TBL1XR1: variants seen among roughly 807,000 people sequenced by gnomAD.
TBL1XR1 encodes the protein F-box-like/WD repeat-containing protein TBL1XR1.
A neutral mutation model predicts 66.9 loss-of-function variants in TBL1XR1; 5 were observed. That is an observed-to-expected ratio of 0.07 (90% CI 0.04 to 0.16). TBL1XR1 has a LOEUF of 0.16. Ranked by LOEUF, TBL1XR1 falls within the 10% of genes least tolerant of loss-of-function variation. The pLI, the probability that TBL1XR1 is intolerant of heterozygous loss-of-function variation, is 1.00. For synonymous variants in TBL1XR1, 210 were observed against 206.0 expected, an observed-to-expected ratio of 1.02 and a Z score of -0.17; for missense variants, 238 against 623.2, an observed-to-expected ratio of 0.38 and a Z score of 6.58.
intron 1 of TBL1XR1, among the ~76,000 whole-genome samples, chr3:177,110,483 C>T (rs1458517928): frequency 1.3e-5 from 2 of 152,176 alleles, no homozygotes; most frequent in East Asian, 3.9e-4. Flanking sequence ...TTAAGAACAC[C>T]TGGTCTTGGT....
chr3:177,037,974 G>C (rs1001065881), intron 12 of TBL1XR1, 124 bp downstream of exon 12: 1 of 710,772 alleles, frequency 1.4e-6, no homozygotes, highest in Non-Finnish European at 2.3e-6. Context: ...CATTTAAAAT[G>C]TTGGAGTTTT....
At chr3:177,064,386 T>C (rs1314475889) in intron 3 of TBL1XR1, among the ~76,000 whole-genome samples, 1 of 152,206 alleles carries the variant, frequency 6.6e-6, no homozygotes, top group African/African-American at 2.4e-5. Flanking sequence ...TCAATAAAAC[T>C]TGGAAGATCA....
intron 2 of TBL1XR1, among the ~76,000 whole-genome samples, chr3:177,081,440 G>A (rs1370464141): frequency 1.3e-5 from 2 of 151,912 alleles, no homozygotes; most frequent in African/African-American, 2.4e-5. Context: ...TTTTTTCAGA[G>A]ACTTAAACAT....
In TBL1XR1 at chr3:177,098,540, T is replaced by C. The variant is rs770851844; in HGVS notation, c.-120A>G. The C allele has an allele frequency of 1.8e-5, 18 of 985,724 alleles. No individual in the cohort carries two copies. The highest frequency in any genetic ancestry group is 1.9e-5 in the Non-Finnish European group (16 of 829,932). 61.1% of individuals were successfully genotyped at this position (985,724 alleles called of 1,614,324 possible). A position where few individuals can be genotyped will look rare whatever the true frequency, so the allele number is the denominator to read the frequency against. On this transcript the variant is annotated splice_region_variant and 5_prime_UTR_variant, in exon 2 of 16. Transcript: ENST00000457928. The stretch of plus-strand genomic sequence containing the variant: ...GCCAATCACAAGTTGCTGTTGTTGA[T>C]GCTGAGGAAAAGGAAAGTAAAGTAT...
intron 1 of TBL1XR1, among the ~76,000 whole-genome samples, chr3:177,137,832 A>G (rs1303884362): frequency 6.6e-6 from 1 of 151,944 alleles, no homozygotes; most frequent in Non-Finnish European, 1.5e-5. Context: ...TTAGCCATGA[A>G]TGGTGGTGGT....
intron 2 of TBL1XR1, among the ~76,000 whole-genome samples, chr3:177,071,173 G>A (rs2108565952): frequency 6.6e-6 from 1 of 151,854 alleles, no homozygotes; most frequent in Admixed American, 6.6e-5. Context: ...TGGGACTATA[G>A]GCACCCGCCA....
At chr3:177,117,772 ATGCCAC>A (rs1342920885) in intron 1 of TBL1XR1, among the ~76,000 whole-genome samples, 2 of 152,290 alleles carry the variant, frequency 1.3e-5, no homozygotes, top group East Asian at 3.9e-4. Context: ...CTCTACTTCT[ATGCCAC>A]TGATTGGGAG....
chr3:177,024,245 A>G lies in TBL1XR1; in HGVS notation c.*1253T>C, dbSNP rs1368228385. ...AAAAAATTCTGAATCACTGCTATTTAAAAACACCTTGAAGCAAGTCTTTTG... is the reference window on the plus strand; with the variant it reads ...AAAAAATTCTGAATCACTGCTATTTGAAAACACCTTGAAGCAAGTCTTTTG... On this transcript the variant is annotated 3_prime_UTR_variant, in exon 16 of 16. Coordinates refer to ENST00000457928, the MANE Select transcript of TBL1XR1 (RefSeq NM_024665.7). 2 of 152,578 alleles carry G rather than the reference A, an allele frequency of 1.3e-5. No individual in the cohort carries two copies. The highest frequency in any genetic ancestry group is 4.8e-5 in the African/African-American group (2 of 41,462). The allele number at this position is 152,578 out of a possible 1,614,324, so 9.5% of individuals were successfully genotyped here.
intron 1 of TBL1XR1, among the ~76,000 whole-genome samples, chr3:177,159,434 G>T (rs2108882780): frequency 6.6e-6 from 1 of 152,070 alleles, no homozygotes; most frequent in South Asian, 2.1e-4. Flanking sequence ...TTATTTAAAA[G>T]AAATACTATA....
intron 2 of TBL1XR1, among the ~76,000 whole-genome samples, chr3:177,074,294 C>T (rs1421453908): frequency 1.4e-4 from 21 of 152,230 alleles, no homozygotes; most frequent in Admixed American, 1.4e-3. Flanking sequence ...TACACTCACA[C>T]TGCTATTCCT....
intron 1 of TBL1XR1, among the ~76,000 whole-genome samples, chr3:177,144,249 A>C (rs1426172248): frequency 1.3e-5 from 2 of 152,134 alleles, no homozygotes; most frequent in Non-Finnish European, 2.9e-5. Flanking sequence ...TCCGTCTCAA[A>C]AAAAAACACA....
chr3:177,189,664 A>AAAAAAAAAAAAAAAAAAAAATTTC (rs57549428), intron 1 of TBL1XR1, among the ~76,000 whole-genome samples: 11 of 141,926 alleles, frequency 7.8e-5, no homozygotes, highest in African/African-American at 2.7e-4. Flanking sequence ...AAAAAAAAAA[A>AAAAAAAAAAAAAAAAAAAAATTTC]AGAAGGATGT....
chr3:177,069,429 A>T (rs1186905577), intron 2 of TBL1XR1, among the ~76,000 whole-genome samples: 1 of 152,090 alleles, frequency 6.6e-6, no homozygotes, highest in East Asian at 1.9e-4. Flanking sequence ...CAACATATAA[A>T]GACATAAAAA....
intron 1 of TBL1XR1, among the ~76,000 whole-genome samples, chr3:177,177,412 T>G (rs988607908): frequency 6.6e-6 from 1 of 152,132 alleles, no homozygotes; most frequent in Non-Finnish European, 1.5e-5. Context: ...ATTGCGCCAC[T>G]GCACTCCAGC....
chr3:177,047,663 T>C, intron 7 of TBL1XR1, 114 bp from the exon 8 acceptor site: 1 of 1,243,210 alleles, frequency 8.0e-7, no homozygotes, highest in East Asian at 2.5e-5. Context: ...CATTCTCTGC[T>C]TCAAAACTTG....
At chr3:177,103,510 T>G (rs1464092260) in intron 1 of TBL1XR1, among the ~76,000 whole-genome samples, 1 of 152,206 alleles carries the variant, frequency 6.6e-6, no homozygotes, top group Admixed American at 6.5e-5. Context: ...TTCTAAGATC[T>G]GCCACCTACA....
At chr3:177,083,088 AT>A (rs562375402) in intron 2 of TBL1XR1, among the ~76,000 whole-genome samples, 58 of 151,028 alleles carry the variant, frequency 3.8e-4, no homozygotes, top group African/African-American at 1.1e-3. Flanking sequence ...ATCATACAGC[AT>A]TTTTTTTTGA....
chr3:177,166,678 G>A (rs1398271257), intron 1 of TBL1XR1, among the ~76,000 whole-genome samples: 1 of 152,178 alleles, frequency 6.6e-6, no homozygotes, highest in Admixed American at 6.5e-5. Context: ...GCAGAACTGT[G>A]AGTCAACTAA....
chr3:177,184,498 T>C (rs1180784150), intron 1 of TBL1XR1, among the ~76,000 whole-genome samples: 2 of 152,176 alleles, frequency 1.3e-5, no homozygotes, highest in African/African-American at 2.4e-5. Context: ...CAAGCTTGGA[T>C]AGGATTCAAA....
Sources: gnomAD v4.1 joint callset for allele counts (sites outside exome capture counted in the v4.1 genomes callset) on GRCh38, gnomAD v4.1.1 for gene constraint, MANE v1.5 for transcripts, NCBI Gene and HGNC (gene_info 2026-07-23, HGNC 2026-07-21) for gene names.